Variants in GPC6 observed in about 807,000 individuals in gnomAD.
GPC6 encodes the protein glypican-6.
In GPC6, 14 loss-of-function variants were observed where a neutral mutation model predicts 55.2. The observed-to-expected ratio is 0.25, with a 90% CI of 0.17 to 0.40. The LOEUF (loss-of-function observed/expected upper bound fraction) is 0.40, where lower values mean the gene tolerates loss of function less well. Among genes scored for constraint, GPC6 ranks in the 10% least tolerant of loss-of-function variants. The pLI is 1.00. For synonymous variants in GPC6, 278 were observed against 259.6 expected (o/e 1.07, Z -0.68); for missense variants, 641 against 708.5 (o/e 0.90, Z 1.08).
chr13:93,588,950 G>A (rs1877335110), intron 2 of GPC6, among the ~76,000 whole-genome samples: 1 of 152,050 alleles, frequency 6.6e-6, no homozygotes, highest in Non-Finnish European at 1.5e-5. Flanking sequence ...CTGTTTCGGG[G>A]GAAGAGTGCT....
chr13:93,217,909 T>C, the GPC6 span, among the ~76,000 whole-genome samples: 1 of 152,212 alleles, frequency 6.6e-6, no homozygotes, highest in East Asian at 1.9e-4. Flanking sequence ...AAGATGTTTT[T>C]TTTGGAAGAC....
intron 3 of GPC6, among the ~76,000 whole-genome samples, chr13:93,918,210 A>C (rs1436715909): frequency 6.6e-6 from 1 of 152,004 alleles, no homozygotes; most frequent in East Asian, 1.9e-4. Context: ...ATTTTGTCTT[A>C]TTTTTTATCA....
chr13:93,874,217 C>A (rs1370522754), intron 3 of GPC6, among the ~76,000 whole-genome samples: 1 of 151,844 alleles, frequency 6.6e-6, no homozygotes, highest in Non-Finnish European at 1.5e-5. Flanking sequence ...ATCTGCTACC[C>A]TCAAGCAGGT....
At chr13:93,931,114 C>T (rs1005615097) in intron 3 of GPC6, among the ~76,000 whole-genome samples, 19 of 152,144 alleles carry the variant, frequency 1.2e-4, no homozygotes, top group African/African-American at 3.9e-4. Flanking sequence ...TCCCACCAGG[C>T]CCCACCTCTA....
intron 3 of GPC6, among the ~76,000 whole-genome samples, chr13:93,866,797 A>G (rs1198391613): frequency 6.6e-6 from 1 of 151,752 alleles, no homozygotes; most frequent in East Asian, 1.9e-4. Flanking sequence ...GTGATGCAAT[A>G]ATCTGTATCA....
At chr13:94,382,119 C>T (rs1393165476) in intron 6 of GPC6, among the ~76,000 whole-genome samples, 7 of 152,100 alleles carry the variant, frequency 4.6e-5, no homozygotes, top group Admixed American at 6.6e-5. Context: ...GAGAGGGACC[C>T]GAAGCCAGGC....
chr13:93,413,416 A>G (rs1876584049), intron 1 of GPC6, among the ~76,000 whole-genome samples: 1 of 152,172 alleles, frequency 6.6e-6, no homozygotes, highest in Non-Finnish European at 1.5e-5. Flanking sequence ...TTGACTACCT[A>G]CTACATGATA....
chr13:93,583,355 C>T (rs565504242), intron 2 of GPC6, among the ~76,000 whole-genome samples: 7,970 of 149,278 alleles, frequency 0.053, 688 homozygotes, highest in African/African-American at 0.19. Flanking sequence ...TGTGTGTGTG[C>T]GCGCGCGCGT....
At position 94,054,085 on chromosome 13, in the gene GPC6, G is replaced by T. The variant is rs1386962026; in HGVS notation, c.877+26191G>T. ...GTCACCTTTCTTAGTTTCTTCTAAT[G>T]CTTTGTTCACCAGATGGCATTCTGA... On this transcript the variant is annotated intron_variant, in intron 4 of 8. Coordinates refer to ENST00000377047, the MANE Select transcript of GPC6 (RefSeq NM_005708.5). Among the ~76,000 whole-genome samples the T allele has an allele frequency of 2.6e-5, 4 of 152,260 alleles. No individual in the cohort carries two copies. In the East Asian group the frequency reaches 5.8e-4, roughly 22 times the overall value.
At chr13:93,758,709 A>T (rs1884861127) in intron 2 of GPC6, among the ~76,000 whole-genome samples, 1 of 151,710 alleles carries the variant, frequency 6.6e-6, no homozygotes, top group East Asian at 1.9e-4. Context: ...TGAAAGGGTC[A>T]CCCTGGATAC....
intron 3 of GPC6, among the ~76,000 whole-genome samples, chr13:93,857,073 G>T (rs1161726943): frequency 6.6e-6 from 1 of 151,568 alleles, no homozygotes; most frequent in Non-Finnish European, 1.5e-5. Flanking sequence ...GTACCAAAGG[G>T]ATGCAATGCA....
chr13:94,333,256 TG>T (rs1378333257), intron 6 of GPC6, among the ~76,000 whole-genome samples: 1 of 152,222 alleles, frequency 6.6e-6, no homozygotes, highest in Non-Finnish European at 1.5e-5. Context: ...ACTCATATTT[TG>T]CCCTTTTCCA....
chr13:93,496,444 C>G (rs2139365631), intron 1 of GPC6, among the ~76,000 whole-genome samples: 1 of 152,338 alleles, frequency 6.6e-6, no homozygotes, highest in Middle Eastern at 3.4e-3. Flanking sequence ...CCCATTACCT[C>G]AGATGGAAAT....
chr13:93,619,564 G>C (rs951759591), intron 2 of GPC6, among the ~76,000 whole-genome samples: 1 of 151,974 alleles, frequency 6.6e-6, no homozygotes, highest in African/African-American at 2.4e-5. Context: ...TGATCCTCTT[G>C]CCTCAGCCAC....
At chr13:93,934,156 T>C (rs1878313845) in intron 3 of GPC6, among the ~76,000 whole-genome samples, 1 of 152,300 alleles carries the variant, frequency 6.6e-6, no homozygotes, top group East Asian at 1.9e-4. Flanking sequence ...TTTTAGAAAA[T>C]ATACATACAA....
At chr13:94,272,458 CTTTTCTTTTTTTTT>C (rs1892062150) in intron 4 of GPC6, among the ~76,000 whole-genome samples, 2 of 115,410 alleles carry the variant, frequency 1.7e-5, no homozygotes, top group South Asian at 2.9e-4. Context: ...CTTTTCTTTT[CTTTTCTTTTTTTTT>C]TTTTTTTTTT....
intron 2 of GPC6, among the ~76,000 whole-genome samples, chr13:93,561,408 T>G (rs1386634734): frequency 1.2e-4 from 17 of 138,790 alleles, no homozygotes; most frequent in Admixed American, 4.2e-4. Flanking sequence ...CCTATCGATA[T>G]ATATATATAT....
intron 2 of GPC6, among the ~76,000 whole-genome samples, chr13:93,622,880 A>G (rs1879017047): frequency 6.6e-6 from 1 of 152,144 alleles, no homozygotes; most frequent in Non-Finnish European, 1.5e-5. Context: ...GTAATTCTGT[A>G]CCCATTAACC....
chr13:94,188,395 G>T (rs1441124624), intron 4 of GPC6, among the ~76,000 whole-genome samples: 1 of 152,080 alleles, frequency 6.6e-6, no homozygotes, highest in African/African-American at 2.4e-5. Flanking sequence ...CTCTTGGCTG[G>T]TACCATCTGT....
Sources: allele counts gnomAD v4.1 joint callset (sites outside exome capture counted in the v4.1 genomes callset), GRCh38; gene constraint gnomAD v4.1.1; transcripts MANE v1.5; gene names NCBI Gene and HGNC (gene_info 2026-07-23, HGNC 2026-07-21).